The following KDM1A variants were observed in gnomAD, a reference collection of about 807,000 sequenced individuals.
KDM1A encodes the protein lysine demethylase 1A.
A neutral mutation model predicts 109.4 loss-of-function variants in KDM1A; 49 were observed. The ratio of observed to expected loss-of-function variants is 0.45; its 90% CI spans 0.36 to 0.57. The LOEUF (loss-of-function observed/expected upper bound fraction) is 0.57, where lower values mean the gene tolerates loss of function less well. Among genes scored for constraint, KDM1A ranks in the 20% least tolerant of loss-of-function variants. The pLI, the probability that KDM1A is intolerant of heterozygous loss-of-function variation, is 0.00. For missense variants in KDM1A, 668 were observed against 1,116.6 expected, an observed-to-expected ratio of 0.60 and a Z score of 5.73; for synonymous variants, 380 against 415.4, an observed-to-expected ratio of 0.91 and a Z score of 1.04.
intron 16 of KDM1A, among the ~76,000 whole-genome samples, chr1:23,077,712 T>C (rs1057491478): frequency 5.9e-5 from 9 of 152,162 alleles, no homozygotes; most frequent in African/African-American, 2.2e-4. Flanking sequence ...GGTGACCCAG[T>C]GAGTTTGGAT....
At position 23,083,391 on chromosome 1, in the gene KDM1A, C is replaced by G. The variant is rs1233698064; in HGVS notation, c.*27C>G. 3 of 1,585,126 alleles carry G rather than the reference C, an allele frequency of 1.9e-6. No individual in the cohort carries two copies. The highest frequency in any genetic ancestry group is 2.7e-5 in the African/African-American group (2 of 74,188). On this transcript the variant is annotated 3_prime_UTR_variant, in exon 21 of 21. Transcript: ENST00000400181. The stretch of plus-strand genomic sequence containing the variant: ...ACAGATGCATTCTAAGGGAAGAGGC[C>G]CATGTGCCTGTTTCTGCCATGTAAG...
In KDM1A at chr1:23,077,337, G is replaced by A. The variant is rs1385309917; in HGVS notation, c.1844G>A (p.Arg615Gln). 1 of 1,613,118 alleles carries A rather than the reference G, an allele frequency of 6.2e-7. No homozygotes were observed. The highest frequency in any genetic ancestry group is 8.5e-7 in the Non-Finnish European group (1 of 1,179,372). Reference protein sequence around the residue: ...GLDIKLNTAVRQVRYTASGCE... With the variant: ...GLDIKLNTAVQQVRYTASGCE... ...GACATTAAACTGAATACAGCAGTGCGACAGGTTCGCTACACGGCTTCAGGT... is the reference window on the plus strand; with the variant it reads ...GACATTAAACTGAATACAGCAGTGCAACAGGTTCGCTACACGGCTTCAGGT... The change falls in exon 16 of 21, where the codon CGA (arginine) becomes CAA (glutamine). Residue 615 changes from arginine to glutamine, a missense_variant. Arg to Gln is a conservative substitution (Grantham distance 43). This residue lies in a region of KDM1A where 162 missense variants were observed against 376.4 expected (regional missense o/e 0.43). Coordinates refer to ENST00000400181, the MANE Select transcript of KDM1A (RefSeq NM_001009999.3).
intron 6 of KDM1A, chr1:23,055,429 A>G (rs1034467618): frequency 2.7e-5 from 6 of 219,060 alleles, no homozygotes; most frequent in Non-Finnish European, 4.4e-5. Context: ...AAAAAAAAGA[A>G]TAAAACAGTA....
rs191814074 is a variant in KDM1A, at chr1:23,051,849, C to T, written c.711+1329C>T. 2.7e-3 allele frequency among the ~76,000 whole-genome samples: 415 copies of T among 152,156 alleles called. 8 individuals carry two copies. The highest frequency in any genetic ancestry group is 0.018 in the Admixed American group (280 of 15,286). On this transcript the variant is annotated intron_variant, in intron 4 of 20. Coordinates refer to ENST00000400181, the MANE Select transcript of KDM1A (RefSeq NM_001009999.3). ...AGATTGCAAAACCACTGCTTAATTTCGATTGTTAAAGCAATTGATAGGTTA... is the reference window on the plus strand; with the variant it reads ...AGATTGCAAAACCACTGCTTAATTTTGATTGTTAAAGCAATTGATAGGTTA...
chr1:23,049,032 G>T (rs1220640065), intron 3 of KDM1A, among the ~76,000 whole-genome samples: 1 of 150,904 alleles, frequency 6.6e-6, no homozygotes, highest in African/African-American at 2.4e-5. Context: ...CATGCCTGTA[G>T]TCCCAGCTAC....
At chr1:23,061,410 G>A (rs553324539) in intron 9 of KDM1A, among the ~76,000 whole-genome samples, 30 of 152,272 alleles carry the variant, frequency 2.0e-4, no homozygotes, top group African/African-American at 6.5e-4. Context: ...TTTTCCCAAC[G>A]AAATTGGTAG....
chr1:23,069,178 TGAA>T lies in KDM1A; in HGVS notation c.1413+32_1413+34del, dbSNP rs750087712. ...TGAAATTCTGTATTTTCTTCATAGC[TGAA>T]GAAGCTTTAATAGGAGAAAAAGTCT... On this transcript the variant is annotated intron_variant, in intron 12 of 20. Coordinates refer to ENST00000400181, the MANE Select transcript of KDM1A (RefSeq NM_001009999.3). 1.8e-5 allele frequency: 26 copies of T among 1,407,198 alleles called. No homozygotes were observed. The African/African-American group carries it at 3.6e-4, about 19-fold the overall frequency. The allele number at this position is 1,407,198 out of a possible 1,614,324, so 87.2% of individuals were successfully genotyped here.
intron 5 of KDM1A, among the ~76,000 whole-genome samples, 162 bp downstream of exon 5, chr1:23,054,001 C>T (rs1642750766): frequency 2.6e-5 from 4 of 152,074 alleles, no homozygotes. Flanking sequence ...AACCTGTTTT[C>T]TATGTTTTTA....
intron 13 of KDM1A, 49 bp downstream of exon 13, chr1:23,071,408 A>C (rs538458537): frequency 6.5e-7 from 1 of 1,541,888 alleles, no homozygotes; most frequent in African/African-American, 1.4e-5. Context: ...ATCCTAAGAA[A>C]TAGCACAGAT....
intron 6 of KDM1A, among the ~76,000 whole-genome samples, chr1:23,055,591 T>C (rs899836768): frequency 1.3e-5 from 2 of 152,192 alleles, no homozygotes; most frequent in Non-Finnish European, 1.5e-5. Context: ...AAATAGCTTA[T>C]ATGCAGAATG....
At chr1:23,053,554 T>C (rs2124462195) in intron 4 of KDM1A, among the ~76,000 whole-genome samples, 1 of 152,180 alleles carries the variant, frequency 6.6e-6, no homozygotes, top group East Asian at 1.9e-4. Context: ...CCCAGCCAGT[T>C]TTTATATTTT....
rs1047282041 is a variant in KDM1A at position 23,056,003 on chromosome 1, A to T, written c.955A>T (p.Ser319Cys). ...SGLAAARQLQ[S>C]FGMDVTLLEA... ...CTTGGCAGCAGCTCGACAGTTACAAAGTTTTGGAATGGATGTCACACTTTT... is the reference window on the plus strand; with the variant it reads ...CTTGGCAGCAGCTCGACAGTTACAATGTTTTGGAATGGATGTCACACTTTT... The change falls in exon 7 of 21, where the codon AGT (serine) becomes TGT (cysteine). Residue 319 changes from serine to cysteine, a missense_variant. Ser to Cys is a moderately radical substitution (Grantham distance 112). This residue lies in a region of KDM1A where 53 missense variants were observed against 122.5 expected (regional missense o/e 0.43). Coordinates refer to ENST00000400181, the MANE Select transcript of KDM1A (RefSeq NM_001009999.3). 6.2e-7 allele frequency: 1 copy of T among 1,613,068 alleles called. No individual in the cohort carries two copies.
At chr1:23,077,088 T>C in intron 15 of KDM1A, 140 bp from the exon 16 acceptor site, 1 of 697,966 alleles carries the variant, frequency 1.4e-6, no homozygotes, top group Non-Finnish European at 2.2e-6. Context: ...AGCTAAATAC[T>C]GAGTGATTTG....
chr1:23,061,757 AG>A, intron 9 of KDM1A, among the ~76,000 whole-genome samples: 1 of 152,030 alleles, frequency 6.6e-6, no homozygotes, highest in South Asian at 2.1e-4. Context: ...CCCGGGCTCA[AG>A]TAATTCTCGT....
intron 9 of KDM1A, among the ~76,000 whole-genome samples, chr1:23,061,118 T>A (rs114563892): frequency 1.9e-3 from 284 of 152,368 alleles, no homozygotes; most frequent in African/African-American, 6.5e-3. Context: ...GCGCATTTTT[T>A]AAAACATTTG....
Position 23,019,760 on chromosome 1 carries a change from T to C in KDM1A, c.164T>C (p.Val55Ala). Residue 55 changes from valine (V) to alanine (A), a missense_variant, in exon 1 of 21, where the codon GTG becomes GCG. This residue lies in a region of KDM1A where 156 missense variants were observed against 163.4 expected (regional missense o/e 0.95). Transcript: ENST00000400181. ...CCAGCCGAGGTCGGGCCGGGGGCGG[T>C]GGGGGAGCGCACACCCCGCAAGAAA... ...SGPAEVGPGA[V>A]GERTPRKKEP... The C allele has an allele frequency of 7.4e-7, 1 of 1,344,678 alleles. No homozygotes were observed. The highest frequency in any genetic ancestry group is 9.6e-7 in the Non-Finnish European group (1 of 1,046,336). The allele number at this position is 1,344,678 out of a possible 1,614,324, so 83.3% of individuals were successfully genotyped here.
Position 23,079,312 on chromosome 1 carries a change from G to T in KDM1A, c.2055+135G>T. 2 of 842,070 alleles carry T rather than the reference G, an allele frequency of 2.4e-6. No individual in the cohort carries two copies. Among genetic ancestry groups the T allele is most frequent in the Non-Finnish European group, 3.7e-6 (2 of 541,876 alleles). 52.2% of individuals were successfully genotyped at this position (842,070 alleles called of 1,614,324 possible). On this transcript the variant is annotated intron_variant, in intron 17 of 20. Coordinates refer to ENST00000400181, the MANE Select transcript of KDM1A (RefSeq NM_001009999.3). This position sits in a 1 kb window ranked among gnomAD's most constrained non-coding sequence, Gnocchi z 5.6. ...CCAATTGTGACATCAGGGCTGAGGC[G>T]TGTCAGTTGATTCTCTTCAGTGCCT... is the stretch of plus-strand genomic sequence containing the variant.
At chr1:23,077,173 CAAAT>C in intron 15 of KDM1A, 51 bp from the exon 16 acceptor site, 1 of 1,561,352 alleles carries the variant, frequency 6.4e-7, no homozygotes, top group Non-Finnish European at 8.7e-7. Context: ...GAACTAGGTG[CAAAT>C]GACACAGATT....
chr1:23,039,071 A>G (rs1642232262), intron 2 of KDM1A, among the ~76,000 whole-genome samples: 1 of 152,172 alleles, frequency 6.6e-6, no homozygotes, highest in Non-Finnish European at 1.5e-5. Flanking sequence ...ACTGCTTCAA[A>G]TTATCTGAGC....
Sources: allele counts gnomAD v4.1 joint callset (sites outside exome capture counted in the v4.1 genomes callset), GRCh38; gene constraint gnomAD v4.1.1; regional missense constraint gnomAD v4.1.1; non-coding constraint Gnocchi (gnomAD v3.1); transcripts MANE v1.5; gene names NCBI Gene and HGNC (gene_info 2026-07-23, HGNC 2026-07-21).